The following SLC16A12 variants were observed in gnomAD, a reference collection of about 807,000 sequenced individuals.
The protein encoded by SLC16A12 is solute carrier family 16 member 12, also known as monocarboxylate transporter 12.
A neutral mutation model predicts 42.4 loss-of-function variants in SLC16A12; 17 were observed. The observed-to-expected ratio is 0.40, with a 90% CI of 0.27 to 0.60. SLC16A12 has a LOEUF of 0.60. SLC16A12 is among the 20% of genes least tolerant of loss of function. SLC16A12 has a pLI of 0.42. For missense variants in SLC16A12, 544 were observed against 623.0 expected (o/e 0.87, Z 1.35); for synonymous variants, 224 against 229.4 (o/e 0.98, Z 0.21).
In SLC16A12 at chr10:89,436,207, A is replaced by C. The variant is rs774511859; in HGVS notation, c.1141T>G (p.Cys381Gly). 1.9e-6 allele frequency: 3 copies of C among 1,614,166 alleles called. No individual in the cohort carries two copies. The highest frequency in any genetic ancestry group is 8.5e-7 in the Non-Finnish European group (1 of 1,180,010). Residue 381 changes from cysteine (C) to glycine (G), a missense_variant, in exon 7 of 8, where the codon TGT (cysteine) becomes GGT (glycine). Coordinates refer to ENST00000371790, the MANE Select transcript of SLC16A12 (RefSeq NM_213606.4). ...GCACCATCAAAGTAGCCAAAGGTAC[A>C]AGAGAAAGGCACGAGCAGAGGGAGA... The part of the protein sequence containing the change: ...QSLPLLVPFS[C>G]TFGYFDGAYV...
At chr10:89,478,150 T>A (rs1427713781) in intron 2 of SLC16A12, among the ~76,000 whole-genome samples, 2 of 152,158 alleles carry the variant, frequency 1.3e-5, no homozygotes, top group Non-Finnish European at 2.9e-5. Flanking sequence ...TTACCACCTC[T>A]AGACTTAAGG....
chr10:89,465,007 A>G (rs1184548225), intron 2 of SLC16A12, among the ~76,000 whole-genome samples: 1 of 152,236 alleles, frequency 6.6e-6, no homozygotes, highest in Non-Finnish European at 1.5e-5. Flanking sequence ...ATTACTGGAA[A>G]TGATAATATT....
chr10:89,493,219 CTT>C (rs35163833), intron 2 of SLC16A12, among the ~76,000 whole-genome samples: 112 of 140,476 alleles, frequency 8.0e-4, no homozygotes, highest in Admixed American at 1.0e-3. Flanking sequence ...TTTTTTCTTT[CTT>C]TTTTTTTTTT....
intron 2 of SLC16A12, among the ~76,000 whole-genome samples, chr10:89,553,348 T>G (rs1404371462): frequency 6.6e-6 from 1 of 152,174 alleles, no homozygotes; most frequent in East Asian, 1.9e-4. Flanking sequence ...CATTAGCCCC[T>G]CTCTGACAAT....
At chr10:89,503,202 T>C (rs303192) in intron 2 of SLC16A12, among the ~76,000 whole-genome samples, 39,629 of 152,110 alleles carry the variant, frequency 0.26, 5,604 homozygotes, top group Non-Finnish European at 0.33. Flanking sequence ...TACCTTTTCT[T>C]TTTCACGTTA....
At chr10:89,438,577 A>T (rs1376920181) in intron 6 of SLC16A12, 27 bp downstream of exon 6, 1 of 1,607,254 alleles carries the variant, frequency 6.2e-7, no homozygotes, top group Admixed American at 1.7e-5. Flanking sequence ...CCTGGTGGGG[A>T]ACCAATTGTG....
intron 6 of SLC16A12, among the ~76,000 whole-genome samples, chr10:89,437,175 A>G (rs1841814580): frequency 6.6e-6 from 1 of 152,246 alleles, no homozygotes; most frequent in African/African-American, 2.4e-5. Context: ...ACTGTAATAC[A>G]AAGACATTAA....
intron 3 of SLC16A12, among the ~76,000 whole-genome samples, chr10:89,458,624 C>T (rs1030819832): frequency 5.9e-5 from 9 of 152,196 alleles, no homozygotes; most frequent in African/African-American, 1.9e-4. Context: ...TACTTAGATA[C>T]AGCTTCACAT....
At chr10:89,473,966 T>C (rs1265275824) in intron 2 of SLC16A12, among the ~76,000 whole-genome samples, 1 of 152,200 alleles carries the variant, frequency 6.6e-6, no homozygotes, top group Non-Finnish European at 1.5e-5. Flanking sequence ...GCCTCACTCC[T>C]AGCCCATCAC....
At chr10:89,458,124 T>C (rs1174325082) in intron 3 of SLC16A12, among the ~76,000 whole-genome samples, 1 of 152,238 alleles carries the variant, frequency 6.6e-6, no homozygotes, top group Non-Finnish European at 1.5e-5. Context: ...AGAACCAGCA[T>C]CCATTTACTG....
chr10:89,507,386 C>A (rs1299168932), intron 2 of SLC16A12, among the ~76,000 whole-genome samples: 1 of 152,220 alleles, frequency 6.6e-6, no homozygotes, highest in Non-Finnish European at 1.5e-5. Context: ...TCAGCAGAAA[C>A]CCTACAAGCC....
chr10:89,502,704 A>G (rs1256070155), intron 2 of SLC16A12, among the ~76,000 whole-genome samples: 1 of 152,204 alleles, frequency 6.6e-6, no homozygotes, highest in East Asian at 1.9e-4. Context: ...ACACTGCTAA[A>G]GTCAACACCC....
At chr10:89,488,915 C>T (rs17122507) in intron 2 of SLC16A12, among the ~76,000 whole-genome samples, 9,256 of 152,184 alleles carry the variant, frequency 0.061, 616 homozygotes, top group African/African-American at 0.16. Flanking sequence ...TATCAGGAAA[C>T]GACTGGGGAG....
chr10:89,445,611 C>A (rs983378836), intron 3 of SLC16A12, among the ~76,000 whole-genome samples: 2 of 152,172 alleles, frequency 1.3e-5, no homozygotes, highest in African/African-American at 4.8e-5. Flanking sequence ...TCACTAACAT[C>A]AAAGACCAAA....
chr10:89,460,700 A>G (rs1842284925), intron 3 of SLC16A12, among the ~76,000 whole-genome samples: 1 of 144,494 alleles, frequency 6.9e-6, no homozygotes, highest in African/African-American at 2.6e-5. Context: ...AGTGGAGATC[A>G]TGCTATTGCA....
chr10:89,446,365 G>A (rs1001384729), intron 3 of SLC16A12, among the ~76,000 whole-genome samples: 4 of 152,122 alleles, frequency 2.6e-5, no homozygotes, highest in South Asian at 2.1e-4. Flanking sequence ...GAGAAAGGTC[G>A]GGTTACCCAC....
At chr10:89,459,818 G>A (rs563529147) in intron 3 of SLC16A12, among the ~76,000 whole-genome samples, 2 of 152,286 alleles carry the variant, frequency 1.3e-5, no homozygotes, top group African/African-American at 4.8e-5. Flanking sequence ...GCACGCACCT[G>A]TAATCCCATC....
At chr10:89,447,768 T>C (rs1842027716) in intron 3 of SLC16A12, among the ~76,000 whole-genome samples, 1 of 152,038 alleles carries the variant, frequency 6.6e-6, no homozygotes, top group Non-Finnish European at 1.5e-5. Context: ...AGAGCAGAAC[T>C]GAAGGAGACA....
chr10:89,471,249 C>T (rs2133768076), intron 2 of SLC16A12, among the ~76,000 whole-genome samples: 1 of 152,280 alleles, frequency 6.6e-6, no homozygotes, highest in African/African-American at 2.4e-5. Flanking sequence ...CCTCATGCTC[C>T]CTTGCAGTCA....
Sources: allele counts gnomAD v4.1 joint callset (sites outside exome capture counted in the v4.1 genomes callset), GRCh38; gene constraint gnomAD v4.1.1; transcripts MANE v1.5; gene names NCBI Gene and HGNC (gene_info 2026-07-23, HGNC 2026-07-21).